The following FRMD4B variants were observed in gnomAD, a reference collection of about 807,000 sequenced individuals.
The protein encoded by FRMD4B is FERM domain-containing protein 4B.
Under a neutral mutation model 141.5 loss-of-function variants are expected in FRMD4B, and 74 were observed. The ratio of observed to expected loss-of-function variants is 0.52; its 90% CI spans 0.43 to 0.63. FRMD4B has a LOEUF of 0.63. FRMD4B is among the 30% of genes least tolerant of loss of function. The pLI, the probability that FRMD4B is intolerant of heterozygous loss-of-function variation, is 0.00. For synonymous variants in FRMD4B, 506 were observed against 467.9 expected, an observed-to-expected ratio of 1.08 and a Z score of -1.05; for missense variants, 1,366 against 1,253.4, an observed-to-expected ratio of 1.09 and a Z score of -1.36.
At chr3:69,307,302 C>G (rs1157210642) in intron 3 of FRMD4B, among the ~76,000 whole-genome samples, 1 of 152,102 alleles carries the variant, frequency 6.6e-6, no homozygotes, top group Non-Finnish European at 1.5e-5. Context: ...GGGCAGACAA[C>G]AAGAAGGGTG....
At chr3:69,182,015 A>AAAAAAC (rs958517284) in intron 20 of FRMD4B, among the ~76,000 whole-genome samples, 1 of 151,964 alleles carries the variant, frequency 6.6e-6, no homozygotes, top group Admixed American at 6.6e-5. Context: ...AGCCTGGAAA[A>AAAAAAC]AAAAACAAAA....
intron 1 of FRMD4B, among the ~76,000 whole-genome samples, chr3:69,511,471 T>C (rs930548282): frequency 1.6e-4 from 25 of 152,064 alleles, no homozygotes; most frequent in African/African-American, 5.6e-4. Flanking sequence ...TAATCACACA[T>C]GCATGTATAA....
At chr3:69,443,890 A>ATT (rs983621547) in intron 1 of FRMD4B, among the ~76,000 whole-genome samples, 37 of 152,370 alleles carry the variant, frequency 2.4e-4, no homozygotes, top group Admixed American at 7.8e-4. Flanking sequence ...ATAACCAGCC[A>ATT]TTGTTCTGGA....
intron 1 of FRMD4B, among the ~76,000 whole-genome samples, chr3:69,371,057 G>T (rs1192176281): frequency 6.6e-6 from 1 of 152,236 alleles, no homozygotes; most frequent in Non-Finnish European, 1.5e-5. Flanking sequence ...GAGTCAGGTG[G>T]TGTGGTGAAA....
intron 1 of FRMD4B, among the ~76,000 whole-genome samples, chr3:69,359,515 A>C (rs1703415207): frequency 6.6e-6 from 1 of 152,252 alleles, no homozygotes; most frequent in South Asian, 2.1e-4. Flanking sequence ...CTTCAGGATC[A>C]CATGTTTTAG....
At chr3:69,250,198 A>G (rs187276505) in intron 5 of FRMD4B, 99 bp from the exon 6 acceptor site, 2 of 831,978 alleles carry the variant, frequency 2.4e-6, no homozygotes, top group East Asian at 4.9e-5. Context: ...TGGCACCTCC[A>G]GTTTACGATC....
intron 5 of FRMD4B, among the ~76,000 whole-genome samples, chr3:69,286,122 A>C (rs538391304): frequency 8.4e-4 from 128 of 152,236 alleles, no homozygotes; most frequent in Non-Finnish European, 1.7e-3. Context: ...ATTCACCACT[A>C]GTATGCCCAC....
intron 1 of FRMD4B, among the ~76,000 whole-genome samples, chr3:69,499,566 G>A (rs1706458704): frequency 6.6e-6 from 1 of 152,206 alleles, no homozygotes. Flanking sequence ...AAATCGTGAA[G>A]CTTTATACTG....
chr3:69,197,580 G>C (rs1315924631), intron 12 of FRMD4B: 1 of 143,118 alleles, frequency 7.0e-6, no homozygotes, highest in African/African-American at 2.6e-5. Flanking sequence ...CGGGGGAGGA[G>C]AGAGGAGGAG....
At chr3:69,182,738 A>T in intron 19 of FRMD4B, 21 bp from the exon 20 acceptor site, 1 of 1,609,170 alleles carries the variant, frequency 6.2e-7, no homozygotes, top group Non-Finnish European at 8.5e-7. Flanking sequence ...AAAAAGAAGA[A>T]TTCAGGAAAT....
intron 1 of FRMD4B, among the ~76,000 whole-genome samples, chr3:69,374,088 T>A (rs1210478810): frequency 6.6e-6 from 1 of 152,190 alleles, no homozygotes; most frequent in East Asian, 1.9e-4. Context: ...TAAATCCTGG[T>A]CAGAGTTTGC....
chr3:69,458,849 T>TAAAAA (rs35229515), intron 1 of FRMD4B, among the ~76,000 whole-genome samples: 1 of 82,164 alleles, frequency 1.2e-5, no homozygotes, highest in Middle Eastern at 7.9e-3. Context: ...ATGGGCTGCT[T>TAAAAA]AAAAAAAAAA....
chr3:69,472,952 T>TTTTTTTTTTTTTTTG, intron 1 of FRMD4B, among the ~76,000 whole-genome samples: 1 of 148,318 alleles, frequency 6.7e-6, no homozygotes, highest in Non-Finnish European at 1.5e-5. Context: ...TTTTTTTTTT[T>TTTTTTTTTTTTTTTG]TGGCTTAGGG....
chr3:69,359,014 C>T (rs1013050521), intron 1 of FRMD4B, among the ~76,000 whole-genome samples: 2 of 152,036 alleles, frequency 1.3e-5, no homozygotes, highest in South Asian at 2.1e-4. Context: ...ATAAATTACC[C>T]AGTCTGTGGT....
Position 69,169,749 on chromosome 3 carries a change from T to C in FRMD4B, c.*2112A>G, listed in dbSNP as rs1360084680. Among the ~76,000 whole-genome samples, 1 of 152,148 alleles carries C rather than the reference T, an allele frequency of 6.6e-6. No individual in the cohort carries two copies. The highest frequency in any genetic ancestry group is 1.5e-5 in the Non-Finnish European group (1 of 68,034). The stretch of plus-strand genomic sequence containing the variant: ...TGCTTGCAAGTGTAACCATACTATT[T>C]CAGGAACAGAAAAATGTTATTTTAT... On this transcript the variant is annotated 3_prime_UTR_variant, in exon 23 of 23. Transcript: ENST00000398540.
At chr3:69,302,144 T>C (rs1169275680) in intron 4 of FRMD4B, among the ~76,000 whole-genome samples, 199 bp downstream of exon 4, 3 of 152,234 alleles carry the variant, frequency 2.0e-5, no homozygotes, top group Admixed American at 2.0e-4. Flanking sequence ...AAAACAGCTC[T>C]ACGGTATCTA....
chr3:69,189,222 C>CAAAAAAA (rs71115659), intron 18 of FRMD4B, among the ~76,000 whole-genome samples: 9 of 39,696 alleles, frequency 2.3e-4, no homozygotes, highest in East Asian at 7.6e-4. Flanking sequence ...AACTCCATCT[C>CAAAAAAA]AAAAAAAAAA....
At chr3:69,324,061 C>A (rs1702103269) in intron 1 of FRMD4B, among the ~76,000 whole-genome samples, 2 of 152,152 alleles carry the variant, frequency 1.3e-5, no homozygotes, top group Non-Finnish European at 2.9e-5. Flanking sequence ...CCCTTGGCTA[C>A]TTCCTGGCCC....
chr3:69,204,034 C>A (rs1201511532), intron 11 of FRMD4B, among the ~76,000 whole-genome samples: 1 of 152,060 alleles, frequency 6.6e-6, no homozygotes. Flanking sequence ...TCCTGATACA[C>A]CCTCTAGGTA....
Sources: allele counts gnomAD v4.1 joint callset (sites outside exome capture counted in the v4.1 genomes callset), GRCh38; gene constraint gnomAD v4.1.1; transcripts MANE v1.5; gene names NCBI Gene and HGNC (gene_info 2026-07-23, HGNC 2026-07-21).